Variants in WNK3 observed in about 807,000 individuals in gnomAD.
WNK3 encodes serine/threonine-protein kinase WNK3.
Under a neutral mutation model 116.7 loss-of-function variants are expected in WNK3, and 18 were observed. That is an observed-to-expected ratio of 0.15 (90% CI 0.11 to 0.23). The LOEUF (loss-of-function observed/expected upper bound fraction) is 0.23. Among genes scored for constraint, WNK3 ranks in the 10% least tolerant of loss-of-function variants. The pLI is 1.00. For missense variants in WNK3, 993 were observed against 1,323.8 expected (o/e 0.75, Z 3.88); for synonymous variants, 404 against 469.4 (o/e 0.86, Z 1.80).
intron 22 of WNK3, among the ~76,000 whole-genome samples, chrX:54,217,568 G>A: frequency 9.2e-6 from 1 of 108,694 alleles, no homozygotes; most frequent in Non-Finnish European, 1.9e-5. Context: ...GTTGCAGTGA[G>A]CCGAGATCAC....
At chrX:54,333,516 A>G in exon 2 of WNK3, 1 of 1,211,400 alleles carries the variant, frequency 8.3e-7, no homozygotes, top group Non-Finnish European at 1.1e-6. Context: ...CTTCCTTTCT[A>G]CAGTTTCCCC....
intron 11 of WNK3, 38 bp downstream of exon 11, chrX:54,259,236 C>T: frequency 1.0e-6 from 1 of 992,427 alleles, no homozygotes; most frequent in Non-Finnish European, 1.4e-6. Flanking sequence ...TTCAGCATAT[C>T]CTCATTGTTC....
At chrX:54,215,138 A>C (rs1183809463) in intron 22 of WNK3, among the ~76,000 whole-genome samples, 232 of 105,877 alleles carry the variant, frequency 2.2e-3, no homozygotes, top group Middle Eastern at 4.9e-3. Context: ...AAAAAAAAAA[A>C]ACACCATCTC....
At chrX:54,319,081 C>T (rs144282821) in intron 2 of WNK3, among the ~76,000 whole-genome samples, 98 of 110,274 alleles carry the variant, frequency 8.9e-4, no homozygotes, top group African/African-American at 3.2e-3. Flanking sequence ...CCCAGCCCAA[C>T]CTGACTAATA....
intron 1 of WNK3, among the ~76,000 whole-genome samples, chrX:54,336,766 T>C (rs1392436520): frequency 9.0e-6 from 1 of 111,124 alleles, no homozygotes; most frequent in Non-Finnish European, 1.9e-5. Flanking sequence ...GAGGGATAGG[T>C]TCAAAACACA....
intron 7 of WNK3, among the ~76,000 whole-genome samples, chrX:54,296,507 G>A (rs2068700060): frequency 1.8e-5 from 2 of 110,554 alleles, no homozygotes; most frequent in African/African-American, 6.6e-5. Context: ...CTGAAGACAT[G>A]GGATTCAGGA....
intron 22 of WNK3, among the ~76,000 whole-genome samples, chrX:54,203,884 T>C (rs960423379): frequency 2.8e-5 from 3 of 107,778 alleles, no homozygotes; most frequent in Non-Finnish European, 5.8e-5. Flanking sequence ...GAGGCGGAGG[T>C]TGCAGTGTAC....
chrX:54,215,127 A>C lies in WNK3; in HGVS notation c.4871-12934T>G, dbSNP rs782766472. On this transcript the variant is annotated intron_variant, in intron 22 of 23. Transcript: ENST00000354646. ...GCCAGACTCCATCTCAAAAAAAAAA[A>C]AAAAAAAAAAAACACCATCTCCAGT... Among the ~76,000 whole-genome samples the C allele has an allele frequency of 3.8e-5, 4 of 106,482 alleles. No individual in the cohort carries two copies. In the East Asian group the frequency reaches 9.0e-4, roughly 24 times the overall value. 92.5% of individuals were successfully genotyped at this position (106,482 alleles called of 115,157 possible).
Position 54,311,100 on chromosome X carries a change from A to T in WNK3, c.710+19T>A, listed in dbSNP as rs1557169580. On this transcript the variant is annotated intron_variant, in intron 3 of 23. Transcript: ENST00000354646. Reference sequence around the variant, plus strand: ...TATTTCCAAATAAAACTACATTGGCACTATCAGGGTCAACTTACGTCTTTA... The same window carrying T: ...TATTTCCAAATAAAACTACATTGGCTCTATCAGGGTCAACTTACGTCTTTA... The T allele has an allele frequency of 9.2e-7, 1 of 1,081,628 alleles. No individual in the cohort carries two copies. Among genetic ancestry groups the T allele is most frequent in the Admixed American group, 3.1e-5 (1 of 32,329 alleles). The allele number at this position is 1,081,628 out of a possible 1,213,427, so 89.1% of individuals were successfully genotyped here. A position where few individuals can be genotyped will look rare whatever the true frequency, so the allele number is the denominator to read the frequency against.
At chrX:54,307,826 A>G in intron 5 of WNK3, 96 bp downstream of exon 5, 1 of 803,148 alleles carries the variant, frequency 1.2e-6, no homozygotes, top group East Asian at 3.2e-5. Context: ...TGTTACCTAG[A>G]GCTAAACCAA....
At chrX:54,340,938 G>T (rs1386479445) in intron 1 of WNK3, among the ~76,000 whole-genome samples, 3 of 111,734 alleles carry the variant, frequency 2.7e-5, no homozygotes, top group Non-Finnish European at 3.8e-5. Flanking sequence ...GTTAAACAGA[G>T]TTACCATATG....
At chrX:54,318,865 T>G in intron 2 of WNK3, among the ~76,000 whole-genome samples, 1 of 108,858 alleles carries the variant, frequency 9.2e-6, no homozygotes, top group East Asian at 3.0e-4. Context: ...CAACCTCCAC[T>G]TCCCGGGATC....
intron 17 of WNK3, among the ~76,000 whole-genome samples, chrX:54,243,060 G>A (rs1294554642): frequency 2.7e-5 from 3 of 110,111 alleles, no homozygotes; most frequent in East Asian, 5.8e-4. Flanking sequence ...CGATCTTACT[G>A]CCTTGGCTTC....
intron 5 of WNK3, among the ~76,000 whole-genome samples, chrX:54,304,117 A>G (rs1442739549): frequency 8.9e-6 from 1 of 111,894 alleles, no homozygotes; most frequent in Non-Finnish European, 1.9e-5. Context: ...ACCTTGTTTC[A>G]GCTATCTGCC....
chrX:54,236,867 T>G, intron 20 of WNK3, 71 bp downstream of exon 20: 1 of 1,077,870 alleles, frequency 9.3e-7, no homozygotes, highest in Middle Eastern at 2.6e-4. Context: ...CTAAATTAGT[T>G]ACCAATCCAA....
At chrX:54,299,719 G>A (rs964686007) in intron 6 of WNK3, among the ~76,000 whole-genome samples, 17 of 111,090 alleles carry the variant, frequency 1.5e-4, no homozygotes, top group Non-Finnish European at 2.4e-4. Context: ...AGACTAAAGC[G>A]AGATGTGTTT....
intron 22 of WNK3, among the ~76,000 whole-genome samples, chrX:54,205,554 G>A (rs1557142552): frequency 1.8e-5 from 2 of 110,856 alleles, no homozygotes. Context: ...CAGCCTGGGC[G>A]ACAAAGCAAG....
intron 17 of WNK3, among the ~76,000 whole-genome samples, chrX:54,245,358 G>T (rs1323367215): frequency 9.1e-6 from 1 of 109,785 alleles, no homozygotes; most frequent in South Asian, 3.9e-4. Flanking sequence ...ATGGTAGCAC[G>T]CACTTGTAGT....
At chrX:54,340,107 G>T (rs2069300419) in intron 1 of WNK3, among the ~76,000 whole-genome samples, 1 of 110,620 alleles carries the variant, frequency 9.0e-6, no homozygotes, top group African/African-American at 3.3e-5. Flanking sequence ...CCGAGATCAC[G>T]CCTCTGCACT....
Sources: gnomAD v4.1 joint callset for allele counts (sites outside exome capture counted in the v4.1 genomes callset) on GRCh38, gnomAD v4.1.1 for gene constraint, MANE v1.5 for transcripts, NCBI Gene and HGNC (gene_info 2026-07-23, HGNC 2026-07-21) for gene names.